GNB1: variants seen among roughly 807,000 people sequenced by gnomAD.
GNB1 encodes the protein G protein subunit beta 1.
A neutral mutation model predicts 42.9 loss-of-function variants in GNB1; 2 were observed. The observed-to-expected ratio is 0.05, with a 90% CI of 0.02 to 0.15. The LOEUF is 0.15. GNB1 is among the 10% of genes least tolerant of loss of function. The pLI, the probability that GNB1 is intolerant of heterozygous loss-of-function variation, is 1.00. For synonymous variants in GNB1, 183 were observed against 174.7 expected, an observed-to-expected ratio of 1.05 and a Z score of -0.38; for missense variants, 193 against 462.2, an observed-to-expected ratio of 0.42 and a Z score of 5.34.
intron 1 of GNB1, among the ~76,000 whole-genome samples, chr1:1,857,107 G>A (rs1648347573): frequency 6.6e-6 from 1 of 152,124 alleles, no homozygotes; most frequent in African/African-American, 2.4e-5. Context: ...ACATCTTTTA[G>A]GAAATCATTA....
At chr1:1,839,779 G>A (rs1488076660) in intron 1 of GNB1, 2 of 152,076 alleles carry the variant, frequency 1.3e-5, no homozygotes, top group East Asian at 1.9e-4. Flanking sequence ...GCTTAAATCC[G>A]GGAGGTGGAG....
At chr1:1,881,929 T>G (rs1649870301) in intron 1 of GNB1, among the ~76,000 whole-genome samples, 1 of 151,806 alleles carries the variant, frequency 6.6e-6, no homozygotes, top group Non-Finnish European at 1.5e-5. Flanking sequence ...GATACACTCC[T>G]CCCCTCCATC....
chr1:1,803,834 T>A (rs1646658230), intron 7 of GNB1, among the ~76,000 whole-genome samples: 1 of 151,646 alleles, frequency 6.6e-6, no homozygotes, highest in African/African-American at 2.4e-5. Flanking sequence ...ATACAAAAAT[T>A]AGCTGGGCGT....
chr1:1,886,603 T>C (rs1353131781), intron 1 of GNB1, among the ~76,000 whole-genome samples: 1 of 152,262 alleles, frequency 6.6e-6, no homozygotes, highest in Non-Finnish European at 1.5e-5. Context: ...CCTCATTCTG[T>C]GTTCCTAAAC....
intron 1 of GNB1, among the ~76,000 whole-genome samples, chr1:1,860,062 A>C (rs1648536705): frequency 6.6e-6 from 1 of 152,242 alleles, no homozygotes; most frequent in Admixed American, 6.5e-5. Flanking sequence ...ATAATAAAAA[A>C]AAAGTAAACA....
intron 1 of GNB1, among the ~76,000 whole-genome samples, chr1:1,843,231 T>A (rs952965285): frequency 6.6e-6 from 1 of 152,108 alleles, no homozygotes; most frequent in Non-Finnish European, 1.5e-5. Flanking sequence ...TTATTAATTA[T>A]TTTTTTGAGA....
rs59271649 is a variant in GNB1, at chr1:1,835,922, G to GAAAAAAAA, written c.-47+3260_-47+3267dup. On this transcript the variant is annotated intron_variant, in intron 2 of 11. Coordinates refer to ENST00000378609, the MANE Select transcript of GNB1 (RefSeq NM_002074.5). ...CCCCGTCTTACAAGAATTAAAAAAAGAAAAAAAAAAAAAAAAAAAAAGCCA... is the reference window on the plus strand; with the variant it reads ...CCCCGTCTTACAAGAATTAAAAAAAGAAAAAAAAAAAAAAAAAAAAAAAAAAAAAGCCA... Among the ~76,000 whole-genome samples, 17 of 88,676 alleles carry GAAAAAAAA rather than the reference G, an allele frequency of 1.9e-4. 1 individual carries two copies. The highest frequency in any genetic ancestry group is 9.0e-4 in the South Asian group (2 of 2,216). The allele number at this position is 88,676 out of a possible 152,430, so 58.2% of individuals were successfully genotyped here. A position where few individuals can be genotyped will look rare whatever the true frequency, so the allele number is the denominator to read the frequency against.
chr1:1,890,037 G>A (rs1305398813), intron 1 of GNB1, among the ~76,000 whole-genome samples: 2 of 152,042 alleles, frequency 1.3e-5, no homozygotes, highest in African/African-American at 2.4e-5. Context: ...AAAGGCAGCG[G>A]TGGGAGCGCC....
intron 1 of GNB1, among the ~76,000 whole-genome samples, chr1:1,849,753 A>G (rs921115854): frequency 1.3e-5 from 2 of 152,024 alleles, no homozygotes; most frequent in African/African-American, 4.8e-5. Flanking sequence ...TTTGACTTTC[A>G]GCAGTTTGAC....
chr1:1,792,831 C>T (rs955789420), intron 8 of GNB1, among the ~76,000 whole-genome samples: 5 of 151,926 alleles, frequency 3.3e-5, no homozygotes, highest in Admixed American at 2.0e-4. Flanking sequence ...TTTGGGAGGC[C>T]GAGGTGGGCA....
intron 1 of GNB1, among the ~76,000 whole-genome samples, chr1:1,890,205 G>A (rs921362792): frequency 6.6e-6 from 1 of 152,150 alleles, no homozygotes; most frequent in Non-Finnish European, 1.5e-5. Flanking sequence ...GCTCGACACA[G>A]CGAAAAGGGC....
At chr1:1,810,943 T>C (rs1211380110) in intron 5 of GNB1, among the ~76,000 whole-genome samples, 2 of 151,180 alleles carry the variant, frequency 1.3e-5, no homozygotes, top group Admixed American at 6.6e-5. Context: ...GCTGGGATTA[T>C]AGGCGTGAAC....
chr1:1,810,305 T>TC (rs1285877212), intron 5 of GNB1, among the ~76,000 whole-genome samples: 1 of 151,362 alleles, frequency 6.6e-6, no homozygotes, highest in East Asian at 2.0e-4. Context: ...GACCTCGTGA[T>TC]CCGCCCACCT....
At chr1:1,857,341 CT>C (rs1488908900) in intron 1 of GNB1, among the ~76,000 whole-genome samples, 2 of 152,162 alleles carry the variant, frequency 1.3e-5, no homozygotes, top group Non-Finnish European at 2.9e-5. Flanking sequence ...TTCCAGTGTG[CT>C]TTCTCTGCTC....
chr1:1,829,352 G>A (rs376370133), intron 2 of GNB1, among the ~76,000 whole-genome samples: 80 of 152,212 alleles, frequency 5.3e-4, no homozygotes, highest in African/African-American at 1.7e-3. Flanking sequence ...ATCATGCCCC[G>A]CCTAAAAATG....
At chr1:1,825,640 A>G (rs563392682) in intron 2 of GNB1, 141 bp from the exon 3 acceptor site, 110 of 553,348 alleles carry the variant, frequency 2.0e-4, no homozygotes, top group African/African-American at 1.9e-3. Context: ...CGAGGCGGGC[A>G]GATCACGAGG....
chr1:1,823,143 G>A (rs1032741285), intron 3 of GNB1, among the ~76,000 whole-genome samples: 2 of 150,826 alleles, frequency 1.3e-5, no homozygotes, highest in African/African-American at 2.4e-5. Context: ...TCAGGAGGCC[G>A]AGGCAGGAGA....
At chr1:1,821,712 T>C (rs1646932199) in intron 3 of GNB1, among the ~76,000 whole-genome samples, 1 of 152,196 alleles carries the variant, frequency 6.6e-6, no homozygotes, top group African/African-American at 2.4e-5. Context: ...GCGGGGGCCA[T>C]GACCTGCCTG....
At chr1:1,884,102 A>G (rs1288027148) in intron 1 of GNB1, among the ~76,000 whole-genome samples, 4 of 149,702 alleles carry the variant, frequency 2.7e-5, no homozygotes, top group African/African-American at 9.9e-5. Context: ...AGTAGCTGAG[A>G]TTACAGGCAT....
Sources: gnomAD v4.1 joint callset for allele counts (sites outside exome capture counted in the v4.1 genomes callset) on GRCh38, gnomAD v4.1.1 for gene constraint, MANE v1.5 for transcripts, NCBI Gene and HGNC (gene_info 2026-07-23, HGNC 2026-07-21) for gene names.